Variants in FRMPD4 observed in about 807,000 individuals in gnomAD.
The protein encoded by FRMPD4 is FERM and PDZ domain-containing protein 4.
Under a neutral mutation model 94.1 loss-of-function variants are expected in FRMPD4, and 22 were observed. That is an observed-to-expected ratio of 0.23 (90% CI 0.17 to 0.33). FRMPD4 has a LOEUF of 0.33. FRMPD4 is among the 10% of genes least tolerant of loss of function. FRMPD4 has a pLI of 1.00. For synonymous variants in FRMPD4, 631 were observed against 548.6 expected (o/e 1.15, Z -2.10); for missense variants, 1,111 against 1,339.9 (o/e 0.83, Z 2.67).
chrX:12,055,819 C>A (rs984879778), intron 3 of FRMPD4, among the ~76,000 whole-genome samples: 4 of 111,360 alleles, frequency 3.6e-5, no homozygotes, highest in Non-Finnish European at 7.5e-5. Flanking sequence ...GGACTTAAAT[C>A]TGATTTCATG....
intron 1 of FRMPD4, among the ~76,000 whole-genome samples, chrX:12,208,006 G>A (rs1408390684): frequency 9.0e-6 from 1 of 111,408 alleles, no homozygotes; most frequent in Non-Finnish European, 1.9e-5. Flanking sequence ...TGCATTAGAA[G>A]CAGGGACCAT....
At chrX:12,402,094 G>A (rs1269961343) in intron 1 of FRMPD4, among the ~76,000 whole-genome samples, 1 of 111,205 alleles carries the variant, frequency 9.0e-6, no homozygotes, top group East Asian at 2.8e-4. Flanking sequence ...TTCCAAGGTG[G>A]CCTACAAGGA....
chrX:12,491,258 A>G (rs1217240710), intron 1 of FRMPD4, among the ~76,000 whole-genome samples: 2 of 112,310 alleles, frequency 1.8e-5, no homozygotes, highest in African/African-American at 6.5e-5. Flanking sequence ...TAAATACACA[A>G]TATAAAATAC....
chrX:12,169,399 A>T, intron 1 of FRMPD4, among the ~76,000 whole-genome samples: 1 of 112,455 alleles, frequency 8.9e-6, no homozygotes, highest in Non-Finnish European at 1.9e-5. Flanking sequence ...CAATTGCAAG[A>T]CATCTAAATG....
chrX:12,541,729 A>C (rs1430833186), intron 2 of FRMPD4, among the ~76,000 whole-genome samples: 1 of 112,094 alleles, frequency 8.9e-6, no homozygotes, highest in Non-Finnish European at 1.9e-5. Flanking sequence ...AATCCTCCCT[A>C]ATTCATTTTA....
At chrX:12,394,962 C>T (rs957690582) in intron 1 of FRMPD4, among the ~76,000 whole-genome samples, 1 of 111,756 alleles carries the variant, frequency 8.9e-6, no homozygotes, top group Non-Finnish European at 1.9e-5. Flanking sequence ...AGGCAGGCCA[C>T]GTGCTCCCAG....
chrX:12,067,240 C>T (rs986445718), intron 3 of FRMPD4, among the ~76,000 whole-genome samples: 3 of 110,327 alleles, frequency 2.7e-5, no homozygotes, highest in Non-Finnish European at 5.7e-5. Flanking sequence ...ATCTTTCACA[C>T]GAGAAGATCA....
intron 1 of FRMPD4, among the ~76,000 whole-genome samples, chrX:12,193,752 C>CAGAA (rs775933381): frequency 0.34 from 5,630 of 16,446 alleles, 956 homozygotes; most frequent in Non-Finnish European, 0.37. Flanking sequence ...CCGAAAGAAA[C>CAGAA]AGAAAGAAAG....
chrX:11,826,241 A>T (rs1248494026), intron 1 of FRMPD4, among the ~76,000 whole-genome samples: 1 of 112,201 alleles, frequency 8.9e-6, no homozygotes, highest in African/African-American at 3.2e-5. Context: ...AGTCCCTGAG[A>T]AGTAGAAAGT....
At chrX:11,952,225 G>T (rs969125133) in intron 3 of FRMPD4, among the ~76,000 whole-genome samples, 9 of 111,905 alleles carry the variant, frequency 8.0e-5, no homozygotes, top group Admixed American at 7.5e-4. Flanking sequence ...GATATGGGTG[G>T]ATTAGGGCCC....
chrX:12,175,836 C>T (rs1206912923), intron 1 of FRMPD4, among the ~76,000 whole-genome samples: 3 of 111,799 alleles, frequency 2.7e-5, no homozygotes, highest in South Asian at 7.5e-4. Context: ...TTAACAAGTC[C>T]TTCAAGTGAT....
At chrX:12,594,275 T>A (rs2059008529) in intron 2 of FRMPD4, among the ~76,000 whole-genome samples, 1 of 111,540 alleles carries the variant, frequency 9.0e-6, no homozygotes, top group African/African-American at 3.3e-5. Flanking sequence ...ACTCCTAGAC[T>A]CTAAAGGTAT....
At chrX:12,096,645 G>C (rs2055205338) in intron 3 of FRMPD4, among the ~76,000 whole-genome samples, 1 of 111,705 alleles carries the variant, frequency 9.0e-6, no homozygotes, top group Non-Finnish European at 1.9e-5. Flanking sequence ...GAGCTTTTAG[G>C]AGGCTGGGGC....
intron 1 of FRMPD4, among the ~76,000 whole-genome samples, chrX:12,430,330 C>T (rs1440405094): frequency 1.8e-5 from 2 of 112,381 alleles, no homozygotes; most frequent in Non-Finnish European, 3.8e-5. Flanking sequence ...AAAAGACACA[C>T]ATCTGCCAAG....
At chrX:12,111,765 C>G (rs1434217729) in intron 3 of FRMPD4, among the ~76,000 whole-genome samples, 2 of 111,827 alleles carry the variant, frequency 1.8e-5, no homozygotes, top group East Asian at 5.6e-4. Flanking sequence ...AGGATATGAA[C>G]AGACATTTCT....
intron 3 of FRMPD4, among the ~76,000 whole-genome samples, chrX:11,930,746 A>G (rs769325433): frequency 8.9e-6 from 1 of 112,107 alleles, no homozygotes; most frequent in African/African-American, 3.2e-5. Context: ...CAGCATCCAG[A>G]AAGCAGAGGA....
At chrX:11,860,663 T>C (rs2053681195) in intron 1 of FRMPD4, among the ~76,000 whole-genome samples, 1 of 112,055 alleles carries the variant, frequency 8.9e-6, no homozygotes, top group African/African-American at 3.2e-5. Context: ...TGGAGAAAAA[T>C]GTTTCTGCCT....
intron 3 of FRMPD4, among the ~76,000 whole-genome samples, chrX:12,031,874 T>A (rs1179448358): frequency 3.6e-5 from 4 of 111,721 alleles, no homozygotes; most frequent in Non-Finnish European, 7.5e-5. Context: ...ATACCTGTGG[T>A]CTGGACCAAA....
intron 3 of FRMPD4, among the ~76,000 whole-genome samples, chrX:12,074,633 T>C (rs2054997374): frequency 8.9e-6 from 1 of 112,230 alleles, no homozygotes; most frequent in African/African-American, 3.2e-5. Flanking sequence ...CAACACAACA[T>C]ATTATTGATT....
Sources: allele counts gnomAD v4.1 joint callset (sites outside exome capture counted in the v4.1 genomes callset), GRCh38; gene constraint gnomAD v4.1.1; transcripts MANE v1.5; gene names NCBI Gene and HGNC (gene_info 2026-07-23, HGNC 2026-07-21).